Variants in LRRFIP2 observed in about 807,000 individuals in gnomAD.
LRRFIP2 encodes the protein leucine-rich repeat flightless-interacting protein 2.
A neutral mutation model predicts 125.9 loss-of-function variants in LRRFIP2; 109 were observed. That is an observed-to-expected ratio of 0.87 (90% CI 0.74 to 1.01). The LOEUF is 1.01. LRRFIP2 is among the 50% of genes least tolerant of loss of function. The pLI, the probability that LRRFIP2 is intolerant of heterozygous loss-of-function variation, is 0.00. For missense variants in LRRFIP2, 850 were observed against 862.3 expected (o/e 0.99, Z 0.18); for synonymous variants, 291 against 293.1 (o/e 0.99, Z 0.07).
rs1260370759 is a variant in LRRFIP2, at chr3:37,055,102, G to C, written c.1934C>G (p.Thr645Ser). 3.1e-6 allele frequency: 5 copies of C among 1,594,460 alleles called. No individual in the cohort carries two copies. Among genetic ancestry groups the C allele is most frequent in the African/African-American group, 1.4e-5 (1 of 73,560 alleles). The change falls in exon 26 of 28, where the codon ACT (threonine) becomes AGT (serine). Residue 645 changes from threonine to serine, a missense_variant. Transcript: ENST00000336686. ...AGTACTTACACTTTGCTCCAAGGTA[G>C]TTATATCCTGTTCTGCTTTTGAAAG... The part of the protein sequence containing the change: ...FKLSKAEQDI[T>S]TLEQSISRLE...
intron 26 of LRRFIP2, 31 bp from the exon 27 acceptor site, chr3:37,054,546 C>T: frequency 6.8e-7 from 1 of 1,471,302 alleles, no homozygotes; most frequent in Non-Finnish European, 9.4e-7. Flanking sequence ...GCCTCTAGTA[C>T]TGGGCACTAG....
Position 37,140,827 on chromosome 3 carries a change from C to A in LRRFIP2, c.90+8067G>T, listed in dbSNP as rs544591852. ...CATAAGGGTCCTTCCTCTTTTCTAT[C>A]CTCCCTCCATATTCAGTTGCTAAGT... On this transcript the variant is annotated intron_variant, in intron 2 of 27. Coordinates refer to ENST00000336686, the MANE Select transcript of LRRFIP2 (RefSeq NM_006309.4). Among the ~76,000 whole-genome samples the A allele has an allele frequency of 3.3e-5, 5 of 151,984 alleles. No homozygotes were observed. In the South Asian group the frequency reaches 8.3e-4, roughly 25 times the overall value.
intron 17 of LRRFIP2, among the ~76,000 whole-genome samples, chr3:37,093,624 G>T (rs1283002503): frequency 6.6e-6 from 1 of 152,102 alleles, no homozygotes; most frequent in Non-Finnish European, 1.5e-5. Context: ...CTTCTGGCCT[G>T]CAATGCTTCC....
At chr3:37,066,445 C>A in intron 21 of LRRFIP2, 120 bp from the exon 22 acceptor site, 3 of 774,706 alleles carry the variant, frequency 3.9e-6, no homozygotes, top group South Asian at 1.5e-5. Flanking sequence ...AGAAAGCAGT[C>A]AAAAGATTGG....
chr3:37,139,140 G>A (rs148550636), intron 2 of LRRFIP2, among the ~76,000 whole-genome samples: 3 of 137,156 alleles, frequency 2.2e-5, no homozygotes, highest in African/African-American at 7.5e-5. Context: ...AACACTGCAC[G>A]ATTTAAACAA....
intron 25 of LRRFIP2, among the ~76,000 whole-genome samples, chr3:37,058,472 G>A (rs1232326221): frequency 2.0e-5 from 3 of 152,084 alleles, no homozygotes; most frequent in African/African-American, 4.8e-5. Flanking sequence ...CCAGGAGTTC[G>A]AGACCAGCCT....
chr3:37,156,287 C>G (rs546432889), intron 1 of LRRFIP2, among the ~76,000 whole-genome samples: 1 of 152,068 alleles, frequency 6.6e-6, no homozygotes, highest in Non-Finnish European at 1.5e-5. Flanking sequence ...TGAGACCAGC[C>G]TAGAAAGCAA....
At chr3:37,127,798 A>C in intron 3 of LRRFIP2, 118 bp from the exon 4 acceptor site, 2 of 758,620 alleles carry the variant, frequency 2.6e-6, no homozygotes. Flanking sequence ...TCAAAGTTAC[A>C]CATTCAAAAT....
Position 37,164,247 on chromosome 3 carries a change from T to A in LRRFIP2, c.-56+10292A>T, listed in dbSNP as rs140594962. On this transcript the variant is annotated intron_variant, in intron 1 of 27. Transcript: ENST00000336686. The stretch of plus-strand genomic sequence containing the variant: ...TACCACATGGCTGATCAGTAAACAA[T>A]ATTTATTTCATTATAATGAAAACAC... Among the ~76,000 whole-genome samples the A allele has an allele frequency of 5.0e-3, 764 of 152,238 alleles. 6 individuals are homozygous for A. The highest frequency in any genetic ancestry group is 0.018 in the African/African-American group (729 of 41,532).
At chr3:37,072,742 T>C (rs1256600688) in intron 21 of LRRFIP2, 48 bp downstream of exon 21, 1 of 1,096,564 alleles carries the variant, frequency 9.1e-7, no homozygotes, top group Non-Finnish European at 1.4e-6. Flanking sequence ...AATTCTACTG[T>C]AGTCCTCATC....
At position 37,075,013 on chromosome 3, in the gene LRRFIP2, C is replaced by CA. The variant is rs1284516653; in HGVS notation, c.1371+10dup. 5.6e-6 allele frequency: 9 copies of CA among 1,595,838 alleles called. No individual in the cohort carries two copies. Among genetic ancestry groups the CA allele is most frequent in the African/African-American group, 1.3e-5 (1 of 74,550 alleles). On this transcript the variant is annotated intron_variant, in intron 20 of 27. Coordinates refer to ENST00000336686, the MANE Select transcript of LRRFIP2 (RefSeq NM_006309.4). ...TTCAAAATTAAGTATTCCCACAGTTCATGTACATACCTCAATAAGCTCATC... is the reference window on the plus strand; with the variant it reads ...TTCAAAATTAAGTATTCCCACAGTTCAATGTACATACCTCAATAAGCTCATC...
intron 15 of LRRFIP2, 91 bp downstream of exon 15, chr3:37,102,833 G>A (rs1445173523): frequency 3.4e-6 from 3 of 875,236 alleles, no homozygotes; most frequent in Non-Finnish European, 5.2e-6. Flanking sequence ...AATAAATCAA[G>A]TTCCCACTTT....
At chr3:37,072,095 CTAA>C (rs2091298114) in intron 21 of LRRFIP2, among the ~76,000 whole-genome samples, 1 of 152,134 alleles carries the variant, frequency 6.6e-6, no homozygotes. Flanking sequence ...TTATAGGATG[CTAA>C]TAACTTTCTC....
intron 16 of LRRFIP2, among the ~76,000 whole-genome samples, chr3:37,095,135 T>C (rs940900913): frequency 7.2e-5 from 11 of 152,296 alleles, no homozygotes; most frequent in African/African-American, 2.6e-4. Context: ...CTTATCAAAA[T>C]CTATAATTCG....
At chr3:37,138,398 C>T (rs547123141) in intron 2 of LRRFIP2, among the ~76,000 whole-genome samples, 2 of 152,270 alleles carry the variant, frequency 1.3e-5, no homozygotes, top group East Asian at 3.9e-4. Flanking sequence ...ATGGGCTAGG[C>T]AGTGCTGTTT....
intron 21 of LRRFIP2, 37 bp downstream of exon 21, chr3:37,072,753 A>G (rs2091448939): frequency 7.9e-7 from 1 of 1,269,114 alleles, no homozygotes; most frequent in East Asian, 2.3e-5. Flanking sequence ...AGTCCTCATC[A>G]ATGAGCTTCT....
intron 20 of LRRFIP2, among the ~76,000 whole-genome samples, chr3:37,073,926 A>G (rs2091664111): frequency 6.6e-6 from 1 of 152,232 alleles, no homozygotes; most frequent in African/African-American, 2.4e-5. Flanking sequence ...TACCAGCAGG[A>G]TACAGATTCT....
chr3:37,143,791 A>G, intron 2 of LRRFIP2: 1 of 162,582 alleles, frequency 6.2e-6, no homozygotes, highest in East Asian at 1.9e-4. Flanking sequence ...ATGCATCAGG[A>G]AGTCCAGTTT....
intron 13 of LRRFIP2, among the ~76,000 whole-genome samples, chr3:37,106,906 A>ATT (rs34377493): frequency 0.013 from 1,857 of 144,500 alleles, 17 homozygotes; most frequent in African/African-American, 0.019. Context: ...GGAAATGACT[A>ATT]TTTTTTTTTT....
Sources: gnomAD v4.1 joint callset for allele counts (sites outside exome capture counted in the v4.1 genomes callset) on GRCh38, gnomAD v4.1.1 for gene constraint, MANE v1.5 for transcripts, NCBI Gene and HGNC (gene_info 2026-07-23, HGNC 2026-07-21) for gene names.